KCNMA1: variants seen among roughly 807,000 people sequenced by gnomAD.
The protein encoded by KCNMA1 is potassium calcium-activated channel subfamily M alpha 1, also known as Calcium-activated potassium channel subunit alpha-1.
KCNMA1 carries 29 observed loss-of-function variants against 140.0 expected under a neutral mutation model. That is an observed-to-expected ratio of 0.21 (90% CI 0.15 to 0.28). The LOEUF (loss-of-function observed/expected upper bound fraction) is 0.28. KCNMA1 is among the 10% of genes least tolerant of loss of function. The pLI, the probability that KCNMA1 is intolerant of heterozygous loss-of-function variation, is 1.00. For missense variants in KCNMA1, 880 were observed against 1,602.2 expected, an observed-to-expected ratio of 0.55 and a Z score of 7.70; for synonymous variants, 612 against 611.9, an observed-to-expected ratio of 1.00 and a Z score of 0.00.
chr10:77,152,869 T>C (rs1176450873), intron 5 of KCNMA1, among the ~76,000 whole-genome samples: 1 of 152,198 alleles, frequency 6.6e-6, no homozygotes, highest in Non-Finnish European at 1.5e-5. Context: ...GATGTGAGGC[T>C]TAAATGAAGC....
chr10:77,293,170 GGAA>G (rs2154315369), intron 2 of KCNMA1, among the ~76,000 whole-genome samples: 1 of 152,282 alleles, frequency 6.6e-6, no homozygotes, highest in South Asian at 2.1e-4. Context: ...CAATGCCATG[GGAA>G]GGAGTTTGGA....
intron 1 of KCNMA1, among the ~76,000 whole-genome samples, chr10:77,540,419 G>C (rs1381720424): frequency 6.6e-6 from 1 of 152,172 alleles, no homozygotes; most frequent in Non-Finnish European, 1.5e-5. Context: ...GGAAAAACTG[G>C]CACTGTTCAG....
At chr10:77,290,049 G>A (rs2072628172) in intron 2 of KCNMA1, among the ~76,000 whole-genome samples, 1 of 152,184 alleles carries the variant, frequency 6.6e-6, no homozygotes, top group African/African-American at 2.4e-5. Context: ...GAGGCGGTTC[G>A]ATGCGGTAAA....
At chr10:77,621,153 G>A (rs559994957) in intron 1 of KCNMA1, among the ~76,000 whole-genome samples, 2 of 152,190 alleles carry the variant, frequency 1.3e-5, no homozygotes, top group Non-Finnish European at 2.9e-5. Context: ...TCCAGGCCAC[G>A]GAGGTGGAGA....
At chr10:77,191,738 C>T (rs937739557) in intron 3 of KCNMA1, among the ~76,000 whole-genome samples, 54 of 152,048 alleles carry the variant, frequency 3.6e-4, no homozygotes, top group African/African-American at 1.2e-3. Flanking sequence ...AATCTTAAAA[C>T]ATTTTTCTTA....
chr10:77,357,137 T>C (rs1044863103), intron 2 of KCNMA1, among the ~76,000 whole-genome samples: 66 of 152,310 alleles, frequency 4.3e-4, no homozygotes, highest in African/African-American at 1.5e-3. Context: ...AGAACATCAT[T>C]TGATTGCCTG....
At chr10:77,320,855 A>G (rs2082149010) in intron 2 of KCNMA1, among the ~76,000 whole-genome samples, 1 of 152,198 alleles carries the variant, frequency 6.6e-6, no homozygotes, top group African/African-American at 2.4e-5. Flanking sequence ...GCCTGTCCTG[A>G]ACAAATCCAA....
At position 77,183,429 on chromosome 10, in the gene KCNMA1, C is replaced by T; in HGVS notation, c.800G>A (p.Ser267Asn). Residue 267 changes from serine to asparagine, a missense_variant, in exon 5 of 28, where the codon AGT (serine) becomes AAT (asparagine). Ser to Asn is a conservative substitution (Grantham distance 46, BLOSUM62 1). Around this residue, in one of 13 missense-constraint regions of KCNMA1, gnomAD observed 198 missense variants for 580.1 expected, o/e 0.34. Coordinates refer to ENST00000286628, the MANE Select transcript of KCNMA1 (RefSeq NM_001161352.2). ...PVFVSVYLNR[S>N]WLGLRFLRAL... is the part of the protein sequence containing the mutation. Reference sequence around the variant, plus strand: ...AAGAGAGGCTGACTTACCAAGCCAACTTCTGTTTAAGTACACAGACACAAA... The same window carrying T: ...AAGAGAGGCTGACTTACCAAGCCAATTTCTGTTTAAGTACACAGACACAAA... 6.2e-7 allele frequency: 1 copy of T among 1,611,406 alleles called. No individual in the cohort carries two copies. The highest frequency in any genetic ancestry group is 8.5e-7 in the Non-Finnish European group (1 of 1,177,656).
At chr10:77,382,271 T>C (rs1484192119) in intron 2 of KCNMA1, among the ~76,000 whole-genome samples, 1 of 152,156 alleles carries the variant, frequency 6.6e-6, no homozygotes, top group Non-Finnish European at 1.5e-5. Flanking sequence ...TAATGAGAGG[T>C]GATCCTTGTT....
intron 1 of KCNMA1, among the ~76,000 whole-genome samples, chr10:77,516,757 G>A (rs1404872230): frequency 6.6e-6 from 1 of 152,204 alleles, no homozygotes; most frequent in Non-Finnish European, 1.5e-5. Context: ...CAAAGCAGGT[G>A]AAGGGCCCCC....
At chr10:76,875,654 G>A (rs538771786), downstream of KCNMA1, 5 of 152,144 alleles carry the variant, frequency 3.3e-5, no homozygotes, top group African/African-American at 7.2e-5. Context: ...TGGTTATTAC[G>A]AGCAGGAGTG....
chr10:77,424,709 C>T (rs148293961), intron 1 of KCNMA1, among the ~76,000 whole-genome samples: 225 of 152,222 alleles, frequency 1.5e-3, no homozygotes, highest in African/African-American at 4.7e-3. Context: ...TGGCAGAGGA[C>T]CTGTTAAATG....
intron 2 of KCNMA1, among the ~76,000 whole-genome samples, chr10:77,321,931 A>T (rs1350734322): frequency 6.6e-6 from 1 of 152,222 alleles, no homozygotes. Flanking sequence ...CAACTGCATT[A>T]ATCAGGATAG....
At position 77,332,802 on chromosome 10, in the gene KCNMA1, C is replaced by T. The variant is rs376528157; in HGVS notation, c.540+71060G>A. 4.6e-5 allele frequency among the ~76,000 whole-genome samples: 7 copies of T among 152,228 alleles called. 1 individual carries two copies. Among genetic ancestry groups the T allele is most frequent in the Admixed American group, 3.9e-4 (6 of 15,282 alleles). ...GTACACAGCTCTCAGATGAAAGCCA[C>T]TTAATCAGCCTCATCCCATTTTCCA... On this transcript the variant is annotated intron_variant, in intron 2 of 27. Coordinates refer to ENST00000286628, the MANE Select transcript of KCNMA1 (RefSeq NM_001161352.2).
chr10:77,151,317 C>T (rs964321272), intron 5 of KCNMA1, among the ~76,000 whole-genome samples: 11 of 129,902 alleles, frequency 8.5e-5, no homozygotes, highest in African/African-American at 3.0e-4. Context: ...ACCTCCACCT[C>T]CTGGGTTCAA....
chr10:77,026,397 A>T (rs147906049), intron 16 of KCNMA1, among the ~76,000 whole-genome samples: 1 of 152,324 alleles, frequency 6.6e-6, no homozygotes, highest in Non-Finnish European at 1.5e-5. Flanking sequence ...CAACACGGGG[A>T]ATATCATTTG....
At chr10:77,506,098 T>C (rs1282862949) in intron 1 of KCNMA1, among the ~76,000 whole-genome samples, 3 of 152,214 alleles carry the variant, frequency 2.0e-5, no homozygotes, top group Admixed American at 6.5e-5. Flanking sequence ...GAATTCCCTA[T>C]CACCATTTAA....
In KCNMA1 at chr10:77,340,704, C is replaced by T. The variant is rs185911538; in HGVS notation, c.540+63158G>A. Among the ~76,000 whole-genome samples the T allele has an allele frequency of 5.5e-3, 832 of 150,456 alleles. 8 individuals carry two copies. Among genetic ancestry groups the T allele is most frequent in the African/African-American group, 0.019 (793 of 40,730 alleles). On this transcript the variant is annotated intron_variant, in intron 2 of 27. Transcript: ENST00000286628. ...GGAAAGGGAACATCACACACTGGGGCCTGTCGTGGGGTCGGGGGGAGGGGG... is the reference window on the plus strand; with the variant it reads ...GGAAAGGGAACATCACACACTGGGGTCTGTCGTGGGGTCGGGGGGAGGGGG...
intron 3 of KCNMA1, among the ~76,000 whole-genome samples, chr10:77,185,669 C>A (rs137892532): frequency 6.6e-6 from 1 of 151,124 alleles, no homozygotes; most frequent in Non-Finnish European, 1.5e-5. Context: ...AAACCCCTAG[C>A]ACACTCTACT....
Sources: allele counts gnomAD v4.1 joint callset (sites outside exome capture counted in the v4.1 genomes callset), GRCh38; gene constraint gnomAD v4.1.1; regional missense constraint gnomAD v4.1.1; transcripts MANE v1.5; gene names NCBI Gene and HGNC (gene_info 2026-07-23, HGNC 2026-07-21).